The following HECW2 variants were observed in gnomAD, a reference collection of about 807,000 sequenced individuals.
HECW2 encodes the protein E3 ubiquitin-protein ligase HECW2.
In HECW2, 61 loss-of-function variants were observed where a neutral mutation model predicts 175.2. That is an observed-to-expected ratio of 0.35 (90% CI 0.28 to 0.43). The LOEUF (loss-of-function observed/expected upper bound fraction) is 0.43, where lower values mean the gene tolerates loss of function less well. Among genes scored for constraint, HECW2 ranks in the 20% least tolerant of loss-of-function variants. The probability of loss-of-function intolerance (pLI) is 1.00; values close to 1 mark genes in which losing one functional copy is unlikely to be tolerated. For missense variants in HECW2, 1,524 were observed against 2,000.5 expected, an observed-to-expected ratio of 0.76 and a Z score of 4.54; for synonymous variants, 671 against 731.0, an observed-to-expected ratio of 0.92 and a Z score of 1.32.
intron 2 of HECW2, among the ~76,000 whole-genome samples, chr2:196,357,983 G>A (rs767034449): frequency 6.6e-6 from 1 of 152,146 alleles, no homozygotes; most frequent in Admixed American, 6.5e-5. Flanking sequence ...ACCAACAGAA[G>A]TACATTTTCC....
At position 196,207,774 on chromosome 2, in the gene HECW2, CA is replaced by C. The variant is rs568348117; in HGVS notation, c.4608-6387del. Among the ~76,000 whole-genome samples, 169 of 152,272 alleles carry C rather than the reference CA, an allele frequency of 1.1e-3. 1 individual carries two copies. The highest frequency in any genetic ancestry group is 2.0e-3 in the Non-Finnish European group (137 of 68,018). On this transcript the variant is annotated intron_variant, in intron 28 of 28. Transcript: ENST00000644978. ...GACGGGTGAGGGGAATTAATCTATTCACTAATTAATGTCTTATTCCAAAGTC... is the reference window on the plus strand; with the variant it reads ...GACGGGTGAGGGGAATTAATCTATTCCTAATTAATGTCTTATTCCAAAGTC...
chr2:196,451,228 G>A (rs1352024240), intron 1 of HECW2, among the ~76,000 whole-genome samples: 1 of 151,740 alleles, frequency 6.6e-6, no homozygotes, highest in Non-Finnish European at 1.5e-5. Flanking sequence ...GAGGTCAAGA[G>A]ATCAAGACCA....
chr2:196,499,999 G>A, intron 1 of HECW2, among the ~76,000 whole-genome samples: 1 of 151,974 alleles, frequency 6.6e-6, no homozygotes. Flanking sequence ...GACAGCAGAT[G>A]GAATAATGAG....
At chr2:196,256,118 T>A (rs1007050533) in intron 18 of HECW2, among the ~76,000 whole-genome samples, 2 of 152,088 alleles carry the variant, frequency 1.3e-5, no homozygotes, top group African/African-American at 4.8e-5. Context: ...AAACCCCAAA[T>A]TTTTCAATAA....
intron 4 of HECW2, among the ~76,000 whole-genome samples, chr2:196,333,789 C>T (rs1038312708): frequency 2.6e-5 from 4 of 152,304 alleles, no homozygotes; most frequent in African/African-American, 9.6e-5. Context: ...AAGTCCAACA[C>T]AACAAGTTTC....
At chr2:196,587,451 C>T (rs1176705029) in intron 1 of HECW2, among the ~76,000 whole-genome samples, 1 of 152,198 alleles carries the variant, frequency 6.6e-6, no homozygotes, top group Non-Finnish European at 1.5e-5. Context: ...TGTCTCTATA[C>T]ATACATATTC....
At chr2:196,553,686 C>A (rs950377906) in intron 1 of HECW2, among the ~76,000 whole-genome samples, 2 of 152,124 alleles carry the variant, frequency 1.3e-5, no homozygotes, top group South Asian at 2.1e-4. Context: ...CTCTGATTTG[C>A]GGAACAACAG....
chr2:196,429,770 C>A (rs1399375550), intron 2 of HECW2, among the ~76,000 whole-genome samples: 1 of 152,136 alleles, frequency 6.6e-6, no homozygotes, highest in Non-Finnish European at 1.5e-5. Context: ...ATACAGAGAT[C>A]TGAGTCTGAG....
rs1228684768 is a variant in HECW2, at chr2:196,525,631, A to T, written c.-36+67877T>A. 4.6e-3 allele frequency among the ~76,000 whole-genome samples: 672 copies of T among 146,768 alleles called. 5 individuals are homozygous for T. Among genetic ancestry groups the T allele is most frequent in the African/African-American group, 0.016 (642 of 39,808 alleles). Reference sequence around the variant, plus strand: ...CGGCTGGTACCGGTTGTTCCTTTCCATGTTTAGTGCTTCCTTCAGGAGCTC... The same window carrying T: ...CGGCTGGTACCGGTTGTTCCTTTCCTTGTTTAGTGCTTCCTTCAGGAGCTC... On this transcript the variant is annotated intron_variant, in intron 1 of 28. Coordinates refer to ENST00000644978, the MANE Select transcript of HECW2 (RefSeq NM_001348768.2).
intron 21 of HECW2, among the ~76,000 whole-genome samples, chr2:196,233,228 G>A (rs1413305489): frequency 3.3e-5 from 5 of 152,162 alleles, no homozygotes; most frequent in Non-Finnish European, 5.9e-5. Flanking sequence ...GACGACGGGT[G>A]TGTAGCCGCA....
intron 18 of HECW2, among the ~76,000 whole-genome samples, chr2:196,254,461 A>C (rs1020435181): frequency 6.6e-6 from 1 of 152,214 alleles, no homozygotes; most frequent in Non-Finnish European, 1.5e-5. Flanking sequence ...TTAGGATTTA[A>C]TTTGATAATT....
intron 1 of HECW2, among the ~76,000 whole-genome samples, chr2:196,506,372 A>T (rs1687761323): frequency 6.6e-6 from 1 of 152,216 alleles, no homozygotes; most frequent in South Asian, 2.1e-4. Flanking sequence ...AGTTCTGGAA[A>T]CTGCAACTTC....
At position 196,242,137 on chromosome 2, in the gene HECW2, G is replaced by A; in HGVS notation, c.3597C>T (p.Asn1199=). ...YKRDFEAKLR[N]FYRKLETKGY... ...CTTTAGTCTCTAACTTCCTGTAAAA[G>A]TTCCTCAGTTTGGCTTCGAAATCCC... Residue 1199 remains asparagine, a synonymous_variant, in exon 20 of 29, where the codon AAC becomes AAT. Coordinates refer to ENST00000644978, the MANE Select transcript of HECW2 (RefSeq NM_001348768.2). 6.2e-7 allele frequency: 1 copy of A among 1,614,150 alleles called. No homozygotes were observed. Among genetic ancestry groups the A allele is most frequent in the Non-Finnish European group, 8.5e-7 (1 of 1,180,020 alleles).
rs147680509 is a variant in HECW2 at position 196,314,354 on chromosome 2, T to G, written c.2434+2920A>C. On this transcript the variant is annotated intron_variant, in intron 10 of 28. Transcript: ENST00000644978. ...CCCCCAAACCCTCTGATGTGAGGCA[T>G]TGGTGGTGCCCAATAAATAACATAT... 2.2e-3 allele frequency among the ~76,000 whole-genome samples: 335 copies of G among 152,328 alleles called. 3 individuals are homozygous for G. Among genetic ancestry groups the G allele is most frequent in the Non-Finnish European group, 8.8e-4 (60 of 68,026 alleles).
chr2:196,342,733 G>T (rs1692802952), intron 3 of HECW2, among the ~76,000 whole-genome samples: 1 of 152,140 alleles, frequency 6.6e-6, no homozygotes, highest in Non-Finnish European at 1.5e-5. Context: ...CAATGTCAGT[G>T]AGCCCGTCTA....
intron 1 of HECW2, among the ~76,000 whole-genome samples, chr2:196,459,914 A>G (rs577608486): frequency 6.6e-5 from 10 of 152,254 alleles, no homozygotes; most frequent in Admixed American, 6.5e-4. Flanking sequence ...TCAGCTGTGC[A>G]TGCGCATGTT....
At chr2:196,531,668 AAAAC>A (rs1462890192) in intron 1 of HECW2, among the ~76,000 whole-genome samples, 1 of 150,004 alleles carries the variant, frequency 6.7e-6, no homozygotes, top group African/African-American at 2.5e-5. Flanking sequence ...TCTCAAAAAA[AAAAC>A]AAAAAAAAAA....
intron 15 of HECW2, 86 bp downstream of exon 15, chr2:196,278,416 AAAAAAAAAAAAAAGAAAAAATGCTTT>A: frequency 8.1e-6 from 2 of 247,728 alleles, no homozygotes; most frequent in Non-Finnish European, 1.3e-5. Flanking sequence ...AATCAAACTC[AAAAAAAAAAAAAAGAAAAAATGCTTT>A]AAAAAAATCA....
intron 1 of HECW2, among the ~76,000 whole-genome samples, chr2:196,476,312 C>T (rs1029122284): frequency 4.6e-5 from 7 of 151,976 alleles, no homozygotes; most frequent in East Asian, 3.9e-4. Context: ...GGTGTGGTGG[C>T]GCATGCCTGT....
Sources: allele counts gnomAD v4.1 joint callset (sites outside exome capture counted in the v4.1 genomes callset), GRCh38; gene constraint gnomAD v4.1.1; transcripts MANE v1.5; gene names NCBI Gene and HGNC (gene_info 2026-07-23, HGNC 2026-07-21).